KNTC1: variants seen among roughly 807,000 people sequenced by gnomAD.
KNTC1 encodes kinetochore-associated protein 1.
Under a neutral mutation model 314.4 loss-of-function variants are expected in KNTC1, and 253 were observed. That is an observed-to-expected ratio of 0.80 (90% confidence interval 0.73 to 0.89). The LOEUF (loss-of-function observed/expected upper bound fraction) is 0.89. Among genes scored for constraint, KNTC1 ranks in the 40% least tolerant of loss-of-function variants. The pLI is 0.00. For missense variants in KNTC1, 2,475 were observed against 2,572.9 expected (o/e 0.96, Z 0.82); for synonymous variants, 901 against 901.4 (o/e 1.00, Z 0.01).
intron 38 of KNTC1, among the ~76,000 whole-genome samples, chr12:122,587,283 A>G (rs536354593): frequency 1.6e-4 from 25 of 152,230 alleles, no homozygotes; most frequent in Non-Finnish European, 3.1e-4. Flanking sequence ...CTCTAAAAAA[A>G]CAAAAAATCG....
chr12:122,616,985 CTA>C lies in KNTC1; in HGVS notation c.6031-1356_6031-1355del, dbSNP rs919791908. ...CATTTTGTATCAACAGAATCCCACACTATGTGGGATTTTGTGTCCGGCTTCTT... is the reference window on the plus strand; with the variant it reads ...CATTTTGTATCAACAGAATCCCACACTGTGGGATTTTGTGTCCGGCTTCTT... On this transcript the variant is annotated intron_variant, in intron 57 of 63. Coordinates refer to ENST00000333479, the MANE Select transcript of KNTC1 (RefSeq NM_014708.6). Among the ~76,000 whole-genome samples, 8 of 152,194 alleles carry C rather than the reference CTA, an allele frequency of 5.3e-5. No homozygotes were observed. In the East Asian group the frequency reaches 5.8e-4, roughly 11 times the overall value.
At position 122,565,252 on chromosome 12, in the gene KNTC1, T is replaced by TTTTA. The variant is rs1555226997; in HGVS notation, c.1604+2553_1604+2554insTTTA. Among the ~76,000 whole-genome samples, 166 of 131,792 alleles carry TTTTA rather than the reference T, an allele frequency of 1.3e-3. 1 individual carries two copies. Among genetic ancestry groups the TTTTA allele is most frequent in the Admixed American group, 2.0e-3 (25 of 12,780 alleles). 86.5% of individuals were successfully genotyped at this position (131,792 alleles called of 152,430 possible). A position where few individuals can be genotyped will look rare whatever the true frequency, so the allele number is the denominator to read the frequency against. On this transcript the variant is annotated intron_variant, in intron 20 of 63. Transcript: ENST00000333479. ...TTTCTCTTGAGTTGTTTTTTTTTTTTAAAAAAAAAAAAACAGAGCTATTTC... is the reference window on the plus strand; with the variant it reads ...TTTCTCTTGAGTTGTTTTTTTTTTTTTTTAAAAAAAAAAAAAACAGAGCTATTTC...
chr12:122,558,275 G>T (rs985261015), intron 18 of KNTC1, among the ~76,000 whole-genome samples: 1 of 147,540 alleles, frequency 6.8e-6, no homozygotes, highest in Non-Finnish European at 1.5e-5. Flanking sequence ...GGCTATGTGC[G>T]GTGGCTTACT....
Position 122,530,190 on chromosome 12 carries a change from A to G in KNTC1, c.127A>G (p.Lys43Glu), listed in dbSNP as rs200159316. The change falls in exon 2 of 64, where the codon AAG becomes GAG. Residue 43 changes from lysine to glutamate, a missense_variant and splice_region_variant. Physicochemically the swap from Lys to Glu is moderately conservative, Grantham distance 56 (BLOSUM62 1). Transcript: ENST00000333479. ...TTTGCTAGTGAAGATCTCTTCTGAA[A>G]AGGTAGTGATTATTACACTGACTGT... ...VDLLVKISSE[K>E]ASLNPKIQAC... The G allele has an allele frequency of 4.0e-4, 647 of 1,612,688 alleles. No individual in the cohort carries two copies. The highest frequency in any genetic ancestry group is 5.3e-4 in the Non-Finnish European group (628 of 1,179,276).
intron 42 of KNTC1, among the ~76,000 whole-genome samples, chr12:122,592,129 GCCCT>G (rs1870309926): frequency 6.6e-6 from 1 of 152,198 alleles, no homozygotes; most frequent in African/African-American, 2.4e-5. Context: ...CGGCCGGCCG[GCCCT>G]GCCGGCCCCG....
At chr12:122,555,836 G>T (rs995766256) in intron 16 of KNTC1, among the ~76,000 whole-genome samples, 1 of 152,084 alleles carries the variant, frequency 6.6e-6, no homozygotes, top group East Asian at 1.9e-4. Context: ...GCGACAGAGC[G>T]AGACTCTGTC....
intron 31 of KNTC1, among the ~76,000 whole-genome samples, chr12:122,578,264 TTC>T (rs1399589597): frequency 6.6e-6 from 1 of 152,148 alleles, no homozygotes; most frequent in East Asian, 1.9e-4. Flanking sequence ...TTTTAATTTT[TTC>T]TCTTTTTTTA....
At position 122,544,235 on chromosome 12, in the gene KNTC1, G is replaced by A; in HGVS notation, c.635G>A (p.Gly212Glu). ...CTTGGTTGTCTCAGTCTTGTGGCTG[G>A]AGATTTAGCAAGTGAAGTTCCTGTG... ...HTLGCLSLVA[G>E]DLASEVPVII... Residue 212 changes from glycine (G) to glutamate (E), a missense_variant, in exon 8 of 64, where the codon GGA (glycine) becomes GAA (glutamate). By Grantham distance (98) the Gly-to-Glu change is moderately conservative. Transcript: ENST00000333479. 1 of 1,584,446 alleles carries A rather than the reference G, an allele frequency of 6.3e-7. No homozygotes were observed. Among genetic ancestry groups the A allele is most frequent in the Non-Finnish European group, 8.6e-7 (1 of 1,168,444 alleles).
At chr12:122,601,257 T>G (rs537329764) in intron 44 of KNTC1, among the ~76,000 whole-genome samples, 37 of 151,808 alleles carry the variant, frequency 2.4e-4, no homozygotes, top group African/African-American at 8.5e-4. Context: ...TAATTTTTTT[T>G]TGTATTTTTA....
rs527918900 is a variant in KNTC1 at position 122,603,586 on chromosome 12, G to A, written c.5101+343G>A. On this transcript the variant is annotated intron_variant, in intron 48 of 63. Transcript: ENST00000333479. Reference sequence around the variant, plus strand: ...TGGCTCACCGCAACCTCCACCTCCCGGGTTCAAGTGATTCTCCTGCCTCAG... The same window carrying A: ...TGGCTCACCGCAACCTCCACCTCCCAGGTTCAAGTGATTCTCCTGCCTCAG... 2.0e-4 allele frequency among the ~76,000 whole-genome samples: 30 copies of A among 151,966 alleles called. No individual in the cohort carries two copies. In the East Asian group the frequency reaches 2.5e-3, roughly 13 times the overall value.
Position 122,583,038 on chromosome 12 carries a change from A to G in KNTC1, c.3263+53A>G, listed in dbSNP as rs1868655922. The G allele has an allele frequency of 6.6e-6, 10 of 1,521,992 alleles. No homozygotes were observed. In the East Asian group the frequency reaches 2.3e-4, roughly 35 times the overall value. The allele number at this position is 1,521,992 out of a possible 1,614,324, so 94.3% of individuals were successfully genotyped here. On this transcript the variant is annotated intron_variant, in intron 34 of 63. Coordinates refer to ENST00000333479, the MANE Select transcript of KNTC1 (RefSeq NM_014708.6). ...AGCTTCTCTGAAATTGCGGCTGGGC[A>G]CGGTAACTCATACCTGTAATCCCAG...
intron 42 of KNTC1, chr12:122,593,162 G>C (rs1298278542): frequency 5.5e-6 from 1 of 181,386 alleles, no homozygotes; most frequent in Non-Finnish European, 1.1e-5. Flanking sequence ...CTCACCTCGG[G>C]GGTCCGCGGC....
chr12:122,535,780 T>C (rs1307725672), intron 3 of KNTC1, among the ~76,000 whole-genome samples: 1 of 151,496 alleles, frequency 6.6e-6, no homozygotes, highest in Non-Finnish European at 1.5e-5. Flanking sequence ...TATGCCACTA[T>C]ACTCTAGCCT....
At position 122,565,644 on chromosome 12, in the gene KNTC1, T is replaced by C. The variant is rs991643402; in HGVS notation, c.1605-2617T>C. On this transcript the variant is annotated intron_variant, in intron 20 of 63. Coordinates refer to ENST00000333479, the MANE Select transcript of KNTC1 (RefSeq NM_014708.6). ...GTTTATACCTGTAATCCAAGCACTTTGGGAGGCTGAGGTAGGCGGATCGCT... is the reference window on the plus strand; with the variant it reads ...GTTTATACCTGTAATCCAAGCACTTCGGGAGGCTGAGGTAGGCGGATCGCT... 3.9e-5 allele frequency among the ~76,000 whole-genome samples: 6 copies of C among 152,180 alleles called. No individual in the cohort carries two copies. The East Asian group carries it at 1.2e-3, about 29-fold the overall frequency.
At chr12:122,580,344 A>G (rs934389023) in intron 32 of KNTC1, among the ~76,000 whole-genome samples, 5 of 152,054 alleles carry the variant, frequency 3.3e-5, no homozygotes, top group Non-Finnish European at 7.4e-5. Flanking sequence ...CTTTCCAGGG[A>G]AAAAAAAGAA....
At chr12:122,569,160 C>T (rs1307752988) in intron 21 of KNTC1, among the ~76,000 whole-genome samples, 1 of 151,762 alleles carries the variant, frequency 6.6e-6, no homozygotes, top group East Asian at 1.9e-4. Flanking sequence ...AAAAGTTAAC[C>T]AAAAAAAGAG....
intron 53 of KNTC1, 115 bp from the exon 54 acceptor site, chr12:122,612,997 A>C: frequency 1.5e-6 from 1 of 681,036 alleles, no homozygotes; most frequent in Middle Eastern, 2.5e-4. Context: ...GTAACTGTAG[A>C]GATTGACTTT....
intron 44 of KNTC1, among the ~76,000 whole-genome samples, chr12:122,598,787 C>T (rs1052383615): frequency 6.6e-6 from 1 of 151,544 alleles, no homozygotes; most frequent in Non-Finnish European, 1.5e-5. Flanking sequence ...CGTATTTAAC[C>T]AGGCTTTTAT....
intron 2 of KNTC1, among the ~76,000 whole-genome samples, chr12:122,534,414 A>G (rs753679370): frequency 6.6e-6 from 1 of 152,194 alleles, no homozygotes; most frequent in Non-Finnish European, 1.5e-5. Context: ...CTGAGGAAAC[A>G]AGGACTTGAA....
Sources: allele counts gnomAD v4.1 joint callset (sites outside exome capture counted in the v4.1 genomes callset), GRCh38; gene constraint gnomAD v4.1.1; transcripts MANE v1.5; gene names NCBI Gene and HGNC (gene_info 2026-07-23, HGNC 2026-07-21).